The following DERA variants were observed in gnomAD, a reference collection of about 807,000 sequenced individuals.
DERA encodes deoxyribose-phosphate aldolase.
In DERA, 15 loss-of-function variants were observed where a neutral mutation model predicts 41.1. That is an observed-to-expected ratio of 0.37 (90% CI 0.24 to 0.56). The LOEUF (loss-of-function observed/expected upper bound fraction) is 0.56, where lower values mean the gene tolerates loss of function less well. Ranked by LOEUF, DERA falls within the 20% of genes least tolerant of loss-of-function variation. The pLI is 0.81. For synonymous variants in DERA, 139 were observed against 137.4 expected (o/e 1.01, Z -0.08); for missense variants, 396 against 403.4 (o/e 0.98, Z 0.16).
intron 1 of DERA, among the ~76,000 whole-genome samples, chr12:15,948,039 C>A (rs974128888): frequency 6.6e-6 from 1 of 152,222 alleles, no homozygotes; most frequent in South Asian, 2.1e-4. Context: ...CCCCCATTCT[C>A]TTCAGGCTTG....
chr12:15,936,824 A>C lies in DERA; in HGVS notation c.32-20112A>C, dbSNP rs1948367424. Among the ~76,000 whole-genome samples, 1 of 149,556 alleles carries C rather than the reference A, an allele frequency of 6.7e-6. No individual in the cohort carries two copies. Among genetic ancestry groups the C allele is most frequent in the Non-Finnish European group, 1.5e-5 (1 of 67,376 alleles). ...GATTATTTTCTAGTGATGTCATTTA[A>C]CTTATTTCTGCATCTTCTGTCTTGT... On this transcript the variant is annotated intron_variant, in intron 1 of 8. Transcript: ENST00000428559. The surrounding 1 kb of genome is among the most constrained non-coding windows in gnomAD (Gnocchi z 4.6).
In DERA at chr12:15,928,496, C is replaced by A. The variant is rs983686820; in HGVS notation, c.31+17082C>A. 6.6e-5 allele frequency among the ~76,000 whole-genome samples: 10 copies of A among 152,276 alleles called. 1 individual carries two copies. The South Asian group carries it at 2.1e-3, about 32-fold the overall frequency. Reference sequence around the variant, plus strand: ...ACATGCCATGTGCAAATTGTGAGCACAGGAAAAGGCTAAGGGCTGAGATCA... The same window carrying A: ...ACATGCCATGTGCAAATTGTGAGCAAAGGAAAAGGCTAAGGGCTGAGATCA... On this transcript the variant is annotated intron_variant, in intron 1 of 8. Coordinates refer to ENST00000428559, the MANE Select transcript of DERA (RefSeq NM_015954.4). The surrounding 1 kb of genome is among the most constrained non-coding windows in gnomAD (Gnocchi z 4.6).
At chr12:15,944,981 T>C (rs985415492) in intron 1 of DERA, among the ~76,000 whole-genome samples, 8 of 152,242 alleles carry the variant, frequency 5.3e-5, no homozygotes, top group Non-Finnish European at 8.8e-5. Context: ...ATTTGTTAAA[T>C]AGGGAATCCT....
At chr12:15,946,384 T>G (rs905325662) in intron 1 of DERA, among the ~76,000 whole-genome samples, 2 of 152,204 alleles carry the variant, frequency 1.3e-5, no homozygotes, top group African/African-American at 4.8e-5. Flanking sequence ...GGTAAGGTAT[T>G]GATTATTGCC....
chr12:15,956,303 T>G (rs1948537860), intron 1 of DERA, among the ~76,000 whole-genome samples: 1 of 152,208 alleles, frequency 6.6e-6, no homozygotes, highest in South Asian at 2.1e-4. Context: ...GAGAGAGCAT[T>G]TCAGAACAAA....
Position 15,976,794 on chromosome 12 carries a change from T to C in DERA, c.509-5514T>C, listed in dbSNP as rs891401926. On this transcript the variant is annotated intron_variant, in intron 5 of 8. Coordinates refer to ENST00000428559, the MANE Select transcript of DERA (RefSeq NM_015954.4). The surrounding 1 kb of genome is among the most constrained non-coding windows in gnomAD (Gnocchi z 4.1). ...GAGCTGTAAAAATAAAGCTCTCCTA[T>C]CTAATCTTGAGGAGAAAAATGAAGC... Among the ~76,000 whole-genome samples, 2 of 152,040 alleles carry C rather than the reference T, an allele frequency of 1.3e-5. No homozygotes were observed. The highest frequency in any genetic ancestry group is 2.9e-5 in the Non-Finnish European group (2 of 68,032).
chr12:15,937,080 G>A (rs1021701630), intron 1 of DERA, among the ~76,000 whole-genome samples: 1 of 152,046 alleles, frequency 6.6e-6, no homozygotes, highest in Non-Finnish European at 1.5e-5. Flanking sequence ...TCAGCCTCCT[G>A]TATAGCTGGG....
rs1241974594 is a variant in DERA at position 15,924,872 on chromosome 12, T to C, written c.31+13458T>C. On this transcript the variant is annotated intron_variant, in intron 1 of 8. Coordinates refer to ENST00000428559, the MANE Select transcript of DERA (RefSeq NM_015954.4). This position sits in a 1 kb window ranked among gnomAD's most constrained non-coding sequence, Gnocchi z 5.0. ...CCAATTTCAGCCTTGTGTTTTTATG[T>C]TCTAATGCTGCCTTATTAATAGGCT... is the stretch of plus-strand genomic sequence containing the variant. Among the ~76,000 whole-genome samples the C allele has an allele frequency of 6.6e-6, 1 of 152,256 alleles. No homozygotes were observed. The highest frequency in any genetic ancestry group is 1.9e-4 in the East Asian group (1 of 5,194).
rs1948886456 is a variant in DERA at position 16,003,058 on chromosome 12, T to TC, written c.637+20623dup. 6.6e-6 allele frequency among the ~76,000 whole-genome samples: 1 copy of TC among 152,198 alleles called. No homozygotes were observed. The highest frequency in any genetic ancestry group is 2.4e-5 in the African/African-American group (1 of 41,444). On this transcript the variant is annotated intron_variant, in intron 6 of 8. Coordinates refer to ENST00000428559, the MANE Select transcript of DERA (RefSeq NM_015954.4). This position sits in a 1 kb window ranked among gnomAD's most constrained non-coding sequence, Gnocchi z 4.8. ...ATCTGAGAGTTCTGAGGGTTAGAAG[T>TC]CTGAGATAAGGTGTGAGCAGGGTTA...
rs1016575008 is a variant in DERA, at chr12:15,995,328, G to A, written c.637+12892G>A. Among the ~76,000 whole-genome samples, 21 of 152,292 alleles carry A rather than the reference G, an allele frequency of 1.4e-4. No homozygotes were observed. The highest frequency in any genetic ancestry group is 1.9e-4 in the Non-Finnish European group (13 of 68,028). On this transcript the variant is annotated intron_variant, in intron 6 of 8. Transcript: ENST00000428559. The surrounding 1 kb of genome is among the most constrained non-coding windows in gnomAD (Gnocchi z 5.1). The stretch of plus-strand genomic sequence containing the variant: ...AAAAGAGAAAAATGACAGCAAGCCC[G>A]GGGCCACCTGCCTATGATTGGCCCA...
At chr12:15,944,891 T>C (rs1948435608) in intron 1 of DERA, among the ~76,000 whole-genome samples, 1 of 152,218 alleles carries the variant, frequency 6.6e-6, no homozygotes, top group African/African-American at 2.4e-5. Context: ...TAATCCATCT[T>C]GAATTAATTT....
At chr12:15,948,699 C>T (rs1243811501) in intron 1 of DERA, among the ~76,000 whole-genome samples, 1 of 152,222 alleles carries the variant, frequency 6.6e-6, no homozygotes, top group Admixed American at 6.5e-5. Flanking sequence ...TCTCTCAACT[C>T]GTCAAAGTCA....
chr12:15,971,357 A>G lies in DERA; in HGVS notation c.508+8410A>G, dbSNP rs1948658253. ...GCTGGCCAACTGGTATGTCTGCTGGAATTTCTGGAGGTGGAATAGCAAATG... is the reference window on the plus strand; with the variant it reads ...GCTGGCCAACTGGTATGTCTGCTGGGATTTCTGGAGGTGGAATAGCAAATG... On this transcript the variant is annotated intron_variant, in intron 5 of 8. Coordinates refer to ENST00000428559, the MANE Select transcript of DERA (RefSeq NM_015954.4). Among the ~76,000 whole-genome samples the G allele has an allele frequency of 3.9e-5, 6 of 152,170 alleles. No individual in the cohort carries two copies. The South Asian group carries it at 1.0e-3, about 26-fold the overall frequency.
chr12:15,952,290 C>G (rs965005963), intron 1 of DERA, among the ~76,000 whole-genome samples: 1 of 152,134 alleles, frequency 6.6e-6, no homozygotes, highest in Non-Finnish European at 1.5e-5. Flanking sequence ...GTGTCATTTC[C>G]AACAGTGCTG....
At chr12:16,025,345 TAAAC>T (rs1436358146) in intron 6 of DERA, among the ~76,000 whole-genome samples, 2 of 152,004 alleles carry the variant, frequency 1.3e-5, no homozygotes, top group African/African-American at 2.4e-5. Context: ...AGGTTAAAAA[TAAAC>T]AAATAGGAAA....
chr12:15,926,276 T>G (rs2136127479), intron 1 of DERA, among the ~76,000 whole-genome samples: 1 of 152,218 alleles, frequency 6.6e-6, no homozygotes, highest in East Asian at 1.9e-4. Context: ...GTCCTCCCGC[T>G]TCAGCCTCCT....
At chr12:15,949,313 C>T (rs1439153549) in intron 1 of DERA, among the ~76,000 whole-genome samples, 1 of 152,194 alleles carries the variant, frequency 6.6e-6, no homozygotes, top group African/African-American at 2.4e-5. Flanking sequence ...TCTACAGAGG[C>T]AGGCAGGCCT....
At chr12:15,960,657 A>AAAC (rs1948580395) in intron 4 of DERA, among the ~76,000 whole-genome samples, 3 of 151,000 alleles carry the variant, frequency 2.0e-5, no homozygotes, top group African/African-American at 4.9e-5. Context: ...AAAAAAAAAA[A>AAAC]AAAAAACAAC....
In DERA at chr12:16,004,850, T is replaced by C. The variant is rs918952751; in HGVS notation, c.637+22414T>C. Among the ~76,000 whole-genome samples the C allele has an allele frequency of 2.0e-5, 3 of 152,320 alleles. No homozygotes were observed. The highest frequency in any genetic ancestry group is 2.1e-4 in the South Asian group (1 of 4,824). On this transcript the variant is annotated intron_variant, in intron 6 of 8. Coordinates refer to ENST00000428559, the MANE Select transcript of DERA (RefSeq NM_015954.4). This position sits in a 1 kb window ranked among gnomAD's most constrained non-coding sequence, Gnocchi z 4.2. ...AGGAACCATTGATTTATAAAGATCGTCTGCATATGTGTGTTTCCTAGTTCA... is the reference window on the plus strand; with the variant it reads ...AGGAACCATTGATTTATAAAGATCGCCTGCATATGTGTGTTTCCTAGTTCA...
Sources: gnomAD v4.1 joint callset for allele counts (sites outside exome capture counted in the v4.1 genomes callset) on GRCh38, gnomAD v4.1.1 for gene constraint, Gnocchi (gnomAD v3.1) non-coding constraint, MANE v1.5 for transcripts, NCBI Gene and HGNC (gene_info 2026-07-23, HGNC 2026-07-21) for gene names.